The following CRB1 variants were observed in gnomAD, a reference collection of about 807,000 sequenced individuals.
CRB1 encodes protein crumbs homolog 1.
CRB1 carries 83 observed loss-of-function variants against 120.0 expected under a neutral mutation model. That is an observed-to-expected ratio of 0.69 (90% CI 0.58 to 0.83). The LOEUF (loss-of-function observed/expected upper bound fraction) is 0.83, where lower values mean the gene tolerates loss of function less well. Ranked by LOEUF, CRB1 falls within the 40% of genes least tolerant of loss-of-function variation. CRB1 has a pLI of 0.00. For missense variants in CRB1, 1,699 were observed against 1,687.6 expected (o/e 1.01, Z -0.12); for synonymous variants, 625 against 612.5 (o/e 1.02, Z -0.30).
At chr1:197,210,396 A>G in the CRB1 span, among the ~76,000 whole-genome samples, 2 of 152,170 alleles carry the variant, frequency 1.3e-5, no homozygotes, top group African/African-American at 4.8e-5. Context: ...GACAGTTTTC[A>G]TGAAGAAAAA....
chr1:197,418,368 A>T (rs139076311), intron 5 of CRB1, among the ~76,000 whole-genome samples: 49 of 152,348 alleles, frequency 3.2e-4, no homozygotes, highest in African/African-American at 1.2e-3. Flanking sequence ...TATAACAAAT[A>T]GATTACTTCC....
the CRB1 span, chr1:197,223,166 AT>A: frequency 1.9e-6 from 2 of 1,037,246 alleles, no homozygotes; most frequent in Non-Finnish European, 2.9e-6. Context: ...CCTGGCTGTG[AT>A]TATCACTTCT....
At chr1:197,419,756 C>T (rs192981309) in intron 5 of CRB1, among the ~76,000 whole-genome samples, 74 of 147,140 alleles carry the variant, frequency 5.0e-4, no homozygotes, top group East Asian at 4.2e-3. Context: ...GGGTGGATCA[C>T]GAGGTCAGGA....
intron 11 of CRB1, among the ~76,000 whole-genome samples, chr1:197,448,667 A>G (rs1665815781): frequency 6.6e-6 from 1 of 152,170 alleles, no homozygotes; most frequent in Admixed American, 6.5e-5. Flanking sequence ...TTGTCCTTCC[A>G]GAAATTTCAG....
chr1:197,417,840 G>T (rs1272394405), intron 5 of CRB1, among the ~76,000 whole-genome samples: 1 of 152,138 alleles, frequency 6.6e-6, no homozygotes, highest in East Asian at 1.9e-4. Flanking sequence ...ACAATGGAAG[G>T]ATAGAAAGAG....
At chr1:197,255,965 T>TATATATA in the CRB1 span, among the ~76,000 whole-genome samples, 6 of 85,340 alleles carry the variant, frequency 7.0e-5, no homozygotes, top group African/African-American at 1.8e-4. Context: ...ATAGAACATT[T>TATATATA]TATATATATA....
At chr1:197,465,778 C>G (rs1270183719) in intron 11 of CRB1, among the ~76,000 whole-genome samples, 1 of 152,152 alleles carries the variant, frequency 6.6e-6, no homozygotes, top group Non-Finnish European at 1.5e-5. Context: ...TTGATGTAAA[C>G]TGACAGTGAC....
the CRB1 span, among the ~76,000 whole-genome samples, chr1:197,239,695 C>T: frequency 2.1e-5 from 3 of 145,328 alleles, no homozygotes; most frequent in African/African-American, 4.9e-5. Context: ...ATTATTGATA[C>T]GTTTGGGAAA....
intron 5 of CRB1, among the ~76,000 whole-genome samples, chr1:197,372,278 T>C (rs1277214012): frequency 6.6e-6 from 1 of 152,140 alleles, no homozygotes; most frequent in African/African-American, 2.4e-5. Flanking sequence ...AGCCAGAAAG[T>C]AGTCTAAAGC....
At chr1:197,450,562 G>A (rs1458268013) in intron 11 of CRB1, among the ~76,000 whole-genome samples, 1 of 151,936 alleles carries the variant, frequency 6.6e-6, no homozygotes, top group African/African-American at 2.4e-5. Context: ...TCTAGAAAGG[G>A]AAGACTTAAG....
At chr1:197,474,690 G>GAA (rs1046062877) in intron 11 of CRB1, among the ~76,000 whole-genome samples, 1 of 152,170 alleles carries the variant, frequency 6.6e-6, no homozygotes, top group Admixed American at 6.6e-5. Context: ...GAAAAGTTTA[G>GAA]AAAACAGAGA....
At chr1:197,224,515 T>G in the CRB1 span, among the ~76,000 whole-genome samples, 1,042 of 152,258 alleles carry the variant, frequency 6.8e-3, 9 homozygotes, top group Non-Finnish European at 0.012. Context: ...GCTGAGCAGA[T>G]TTCATGAAAC....
chr1:197,424,273 T>A (rs979187141), intron 6 of CRB1, among the ~76,000 whole-genome samples: 1 of 152,208 alleles, frequency 6.6e-6, no homozygotes, highest in Non-Finnish European at 1.5e-5. Flanking sequence ...AGTTATTTCC[T>A]TATATTGAAA....
At chr1:197,315,903 C>T (rs1246670957) in intron 1 of CRB1, among the ~76,000 whole-genome samples, 1 of 152,186 alleles carries the variant, frequency 6.6e-6, no homozygotes, top group Non-Finnish European at 1.5e-5. Flanking sequence ...GCTTCTTACA[C>T]TAACATTCTA....
At chr1:197,307,479 T>C (rs1485469919) in intron 1 of CRB1, among the ~76,000 whole-genome samples, 1 of 152,164 alleles carries the variant, frequency 6.6e-6, no homozygotes, top group Admixed American at 6.6e-5. Context: ...GCCATTGAGG[T>C]CTGAGTCTAA....
the CRB1 span, among the ~76,000 whole-genome samples, chr1:197,213,180 G>T: frequency 6.6e-6 from 1 of 152,156 alleles, no homozygotes; most frequent in East Asian, 1.9e-4. Context: ...GCATGGAGAA[G>T]TTCCAGTATA....
At chr1:197,387,480 A>G (rs1247097162) in intron 5 of CRB1, among the ~76,000 whole-genome samples, 1 of 152,056 alleles carries the variant, frequency 6.6e-6, no homozygotes, top group Non-Finnish European at 1.5e-5. Flanking sequence ...TTTAACAGAA[A>G]GTTCCCTGTG....
chr1:197,315,154 G>A (rs946579444), intron 1 of CRB1, among the ~76,000 whole-genome samples: 1 of 152,150 alleles, frequency 6.6e-6, no homozygotes. Context: ...CACTAACAGT[G>A]CTCAGTTCCC....
intron 6 of CRB1, among the ~76,000 whole-genome samples, chr1:197,425,369 G>A (rs1464515502): frequency 6.6e-6 from 1 of 152,152 alleles, no homozygotes; most frequent in East Asian, 1.9e-4. Flanking sequence ...CTTTTATGCA[G>A]AAGATCTTCA....
Sources: gnomAD v4.1 joint callset for allele counts (sites outside exome capture counted in the v4.1 genomes callset) on GRCh38, gnomAD v4.1.1 for gene constraint, MANE v1.5 for transcripts, NCBI Gene and HGNC (gene_info 2026-07-23, HGNC 2026-07-21) for gene names.